The following ADGRL4 variants were observed in gnomAD, a reference collection of about 807,000 sequenced individuals.
ADGRL4 encodes adhesion G protein-coupled receptor L4.
Under a neutral mutation model 74.8 loss-of-function variants are expected in ADGRL4, and 90 were observed. That is an observed-to-expected ratio of 1.20 (90% CI 1.02 to 1.43). ADGRL4 has a LOEUF of 1.43. ADGRL4 is among the 40% of genes most tolerant of loss of function. The pLI is 0.00. For synonymous variants in ADGRL4, 311 were observed against 279.2 expected, an observed-to-expected ratio of 1.11 and a Z score of -1.14; for missense variants, 881 against 814.3, an observed-to-expected ratio of 1.08 and a Z score of -1.00.
intron 2 of ADGRL4, among the ~76,000 whole-genome samples, chr1:79,004,321 A>G (rs1650914147): frequency 1.3e-5 from 2 of 152,052 alleles, no homozygotes; most frequent in Non-Finnish European, 2.9e-5. Context: ...ATCCAGTTAA[A>G]ACTAGATTTT....
Position 78,975,480 on chromosome 1 carries a change from A to C in ADGRL4, c.173-29054T>G, listed in dbSNP as rs1028451808. ...TATCCCAACTCCTATCATCCACTTA[A>C]AGACCCTCTTAAATGGTCTTACATG... is the stretch of plus-strand genomic sequence containing the variant. On this transcript the variant is annotated intron_variant, in intron 2 of 14. Coordinates refer to ENST00000370742, the MANE Select transcript of ADGRL4 (RefSeq NM_022159.4). 5.9e-4 allele frequency among the ~76,000 whole-genome samples: 89 copies of C among 151,978 alleles called. 2 individuals are homozygous for C.
chr1:78,938,656 T>G (rs568418509), intron 4 of ADGRL4, among the ~76,000 whole-genome samples: 1 of 152,110 alleles, frequency 6.6e-6, no homozygotes, highest in African/African-American at 2.4e-5. Flanking sequence ...CAATAAATGA[T>G]AATACTTTAA....
chr1:78,956,722 TG>T (rs1354003360), intron 2 of ADGRL4, among the ~76,000 whole-genome samples: 1 of 152,136 alleles, frequency 6.6e-6, no homozygotes, highest in Non-Finnish European at 1.5e-5. Flanking sequence ...AATTACCTAA[TG>T]TTTGAGAAAA....
rs34707725 is a variant in ADGRL4 at position 78,911,614 on chromosome 1, AACACACACAC to A, written c.1749+6010_1749+6019del. Among the ~76,000 whole-genome samples the A allele has an allele frequency of 7.8e-3, 1,169 of 149,972 alleles. 12 individuals carry two copies. The highest frequency in any genetic ancestry group is 0.022 in the African/African-American group (915 of 41,090). On this transcript the variant is annotated intron_variant, in intron 12 of 14. Transcript: ENST00000370742. ...CTAATATTTTAAAAATCAAGATCTA[AACACACACAC>A]ACACACACACACACACTATAGTTGG...
At chr1:78,977,137 A>G (rs1165032319) in intron 2 of ADGRL4, among the ~76,000 whole-genome samples, 1 of 151,784 alleles carries the variant, frequency 6.6e-6, no homozygotes, top group Non-Finnish European at 1.5e-5. Context: ...GATAAACACA[A>G]TATAATTCAC....
At chr1:79,006,551 C>A (rs905758638) in intron 1 of ADGRL4, 82 bp downstream of exon 1, 2 of 1,480,012 alleles carry the variant, frequency 1.4e-6, no homozygotes, top group Non-Finnish European at 1.8e-6. Flanking sequence ...GCCATGTGAG[C>A]TCCACCTCTT....
At chr1:78,903,372 A>G (rs76703125) in intron 12 of ADGRL4, among the ~76,000 whole-genome samples, 19,896 of 152,130 alleles carry the variant, frequency 0.13, 1,538 homozygotes, top group East Asian at 0.25. Context: ...TGACAAACTG[A>G]CATTTTTCTT....
At chr1:78,932,599 C>A (rs1649264540) in intron 7 of ADGRL4, among the ~76,000 whole-genome samples, 1 of 95,562 alleles carries the variant, frequency 1.0e-5, no homozygotes, top group Non-Finnish European at 2.1e-5. Context: ...GAGATAGAGA[C>A]ACAAAAACCC....
chr1:78,951,261 C>G (rs1236089938), intron 2 of ADGRL4, among the ~76,000 whole-genome samples: 1 of 152,088 alleles, frequency 6.6e-6, no homozygotes, highest in African/African-American at 2.4e-5. Flanking sequence ...GTATCTTCTT[C>G]CTTGAGTTTA....
chr1:78,975,877 A>G (rs1570266643), intron 2 of ADGRL4, among the ~76,000 whole-genome samples: 2 of 151,966 alleles, frequency 1.3e-5, no homozygotes, highest in Middle Eastern at 3.4e-3. Flanking sequence ...CTGAACAGAA[A>G]CAAACATCAT....
rs1649398199 is a variant in ADGRL4 at position 78,938,199 on chromosome 1, T to C, written c.477A>G (p.Ile159Met). Residue 159 changes from isoleucine to methionine, a missense_variant, in exon 5 of 15, where the codon ATA (isoleucine) becomes ATG (methionine). Physicochemically the swap from Ile to Met is conservative, Grantham distance 10. Coordinates refer to ENST00000370742, the MANE Select transcript of ADGRL4 (RefSeq NM_022159.4). The part of the protein sequence containing the change: ...NSVTDLSPTD[I>M]ITYIEILAES... ...CAGCTAATATTTCTATATATGTAAT[T>C]ATATCTGTTGGTGAAAGATCTGTCA... The C allele has an allele frequency of 1.2e-6, 2 of 1,611,696 alleles. No individual in the cohort carries two copies. Among genetic ancestry groups the C allele is most frequent in the Non-Finnish European group, 1.7e-6 (2 of 1,179,030 alleles).
intron 2 of ADGRL4, among the ~76,000 whole-genome samples, chr1:78,980,065 A>G (rs1650368149): frequency 6.6e-6 from 1 of 151,864 alleles, no homozygotes; most frequent in African/African-American, 2.4e-5. Flanking sequence ...GAAGAACACT[A>G]ATGTTTTAGT....
At chr1:78,944,519 C>G (rs1343743145) in intron 3 of ADGRL4, among the ~76,000 whole-genome samples, 3 of 152,062 alleles carry the variant, frequency 2.0e-5, no homozygotes, top group Admixed American at 6.6e-5. Flanking sequence ...AAACTTTTTT[C>G]TAGAAACACT....
At chr1:78,995,743 C>T (rs1273928394) in intron 2 of ADGRL4, among the ~76,000 whole-genome samples, 2 of 152,166 alleles carry the variant, frequency 1.3e-5, no homozygotes, top group South Asian at 4.1e-4. Flanking sequence ...CTTGTAGGGA[C>T]ATCAATAAAG....
At chr1:78,895,286 C>T (rs146200903) in intron 12 of ADGRL4, among the ~76,000 whole-genome samples, 2,750 of 152,038 alleles carry the variant, frequency 0.018, 98 homozygotes, top group African/African-American at 0.063. Flanking sequence ...TTTATTTTCA[C>T]TTATGCTAAG....
At chr1:78,972,859 C>A (rs1650196503) in intron 2 of ADGRL4, among the ~76,000 whole-genome samples, 1 of 152,174 alleles carries the variant, frequency 6.6e-6, no homozygotes, top group Non-Finnish European at 1.5e-5. Flanking sequence ...GTTGTTGCTG[C>A]ATATCCCAGT....
At chr1:79,005,348 C>T (rs1395817100) in intron 1 of ADGRL4, 129 bp from the exon 2 acceptor site, 2 of 753,046 alleles carry the variant, frequency 2.7e-6, no homozygotes, top group African/African-American at 3.7e-5. Context: ...TAAATTTTTC[C>T]CAAGAGAGCA....
At chr1:78,903,654 G>A (rs1178328076) in intron 12 of ADGRL4, among the ~76,000 whole-genome samples, 2 of 152,034 alleles carry the variant, frequency 1.3e-5, no homozygotes, top group Non-Finnish European at 2.9e-5. Context: ...AGGTACTATT[G>A]GCCGGGCGCG....
chr1:78,923,282 AC>A (rs1289163066), intron 8 of ADGRL4, among the ~76,000 whole-genome samples: 2 of 151,978 alleles, frequency 1.3e-5, no homozygotes, highest in African/African-American at 4.8e-5. Context: ...ATCATGCCCT[AC>A]CACATTTTCT....
Sources: gnomAD v4.1 joint callset for allele counts (sites outside exome capture counted in the v4.1 genomes callset) on GRCh38, gnomAD v4.1.1 for gene constraint, MANE v1.5 for transcripts, NCBI Gene and HGNC (gene_info 2026-07-23, HGNC 2026-07-21) for gene names.